PWWP2A: variants seen among roughly 807,000 people sequenced by gnomAD.
PWWP2A encodes PWWP domain containing 2A.
A neutral mutation model predicts 48.5 loss-of-function variants in PWWP2A; 18 were observed. The observed-to-expected ratio is 0.37, with a 90% CI of 0.26 to 0.55. The LOEUF (loss-of-function observed/expected upper bound fraction) is 0.55, where lower values mean the gene tolerates loss of function less well. Among genes scored for constraint, PWWP2A ranks in the 20% least tolerant of loss-of-function variants. The probability of loss-of-function intolerance (pLI) is 0.81; values close to 1 mark genes in which losing one functional copy is unlikely to be tolerated. For synonymous variants in PWWP2A, 396 were observed against 387.7 expected (o/e 1.02, Z -0.25); for missense variants, 867 against 976.4 (o/e 0.89, Z 1.49).
chr5:160,108,420 G>A, intron 1 of PWWP2A: 1 of 430,604 alleles, frequency 2.3e-6, no homozygotes, highest in Non-Finnish European at 4.4e-6. Flanking sequence ...TGGCATATAA[G>A]CAGAATAATC....
the PWWP2A span, among the ~76,000 whole-genome samples, chr5:160,053,899 G>C: frequency 9.9e-5 from 15 of 152,202 alleles, no homozygotes; most frequent in Non-Finnish European, 8.8e-5. Context: ...TTAGTGGGTA[G>C]AACAATTATT....
rs999619821 is a variant in PWWP2A at position 160,093,107 on chromosome 5, A to C, written c.1543T>G (p.Ser515Ala). ...TTTTCTGAAGGGGCCTCACCTGCTG[A>C]GCGGGTAGAGGTGCAGCGAGACTGG... ...KPQSRCTSTR[S>A]AGEAPSENQS... Residue 515 changes from serine (S) to alanine (A), a missense_variant, in exon 2 of 2, where the codon TCA becomes GCA. Physicochemically the swap from Ser to Ala is moderately conservative, Grantham distance 99. Around this residue, in one of 4 missense-constraint regions of PWWP2A, gnomAD observed 382 missense variants for 407.2 expected, o/e 0.94. Transcript: ENST00000307063. The surrounding 1 kb of genome is among the most constrained non-coding windows in gnomAD (Gnocchi z 5.8). The C allele has an allele frequency of 2.5e-6, 4 of 1,613,728 alleles. No homozygotes were observed. In the African/African-American group the frequency reaches 5.3e-5, roughly 22 times the overall value.
intron 1 of PWWP2A, among the ~76,000 whole-genome samples, chr5:160,103,523 C>A (rs1368736264): frequency 2.0e-5 from 3 of 152,074 alleles, no homozygotes; most frequent in African/African-American, 7.2e-5. Flanking sequence ...CCAGTCAATG[C>A]CAAATGAGGT....
At chr5:160,067,911 T>TG (rs1300674395) in intron 2 of PWWP2A, among the ~76,000 whole-genome samples, 2 of 152,248 alleles carry the variant, frequency 1.3e-5, no homozygotes, top group Admixed American at 6.5e-5. Flanking sequence ...CCAGGCACCG[T>TG]GGCTCACACC....
chr5:160,074,413 G>C (rs1753817765), downstream of PWWP2A, among the ~76,000 whole-genome samples: 1 of 151,902 alleles, frequency 6.6e-6, no homozygotes, highest in Non-Finnish European at 1.5e-5. Flanking sequence ...ACTCCAGCCT[G>C]GGCAACAAGA....
intron 1 of PWWP2A, among the ~76,000 whole-genome samples, chr5:160,116,031 T>A (rs1758103131): frequency 6.6e-6 from 1 of 152,074 alleles, no homozygotes; most frequent in Non-Finnish European, 1.5e-5. Flanking sequence ...ATTCCTTGAA[T>A]TGCTAAATTT....
chr5:160,058,273 A>G (rs1159030190), downstream of PWWP2A, among the ~76,000 whole-genome samples: 1 of 152,216 alleles, frequency 6.6e-6, no homozygotes, highest in Non-Finnish European at 1.5e-5. Flanking sequence ...TTGTCACCAC[A>G]TCTGCAGCAA....
downstream of PWWP2A, among the ~76,000 whole-genome samples, chr5:160,088,346 ACT>A (rs1754806254): frequency 6.6e-6 from 1 of 151,946 alleles, no homozygotes; most frequent in Non-Finnish European, 1.5e-5. Context: ...AATTCTCCTG[ACT>A]CAGCCTCTCG....
chr5:160,096,635 A>C (rs1755683907), intron 1 of PWWP2A, among the ~76,000 whole-genome samples: 1 of 152,178 alleles, frequency 6.6e-6, no homozygotes, highest in Admixed American at 6.5e-5. Flanking sequence ...CTGATTTATA[A>C]AATTTTTTTA....
chr5:160,095,977 C>T (rs1280268701), intron 1 of PWWP2A, among the ~76,000 whole-genome samples: 2 of 152,058 alleles, frequency 1.3e-5, no homozygotes, highest in Admixed American at 6.6e-5. Context: ...CGTGAGCCAC[C>T]GTGTCCAGCC....
chr5:160,094,768 C>T (rs1473750969), intron 1 of PWWP2A, among the ~76,000 whole-genome samples: 1 of 151,922 alleles, frequency 6.6e-6, no homozygotes. Context: ...TAGGAATGGG[C>T]CGGGTGCAGT....
chr5:160,054,876 T>C, the PWWP2A span, among the ~76,000 whole-genome samples: 3 of 152,118 alleles, frequency 2.0e-5, no homozygotes, highest in African/African-American at 7.2e-5. Flanking sequence ...AAAAAAAACA[T>C]TTAAAAGTAA....
At chr5:160,095,681 A>C (rs1561675843) in intron 1 of PWWP2A, among the ~76,000 whole-genome samples, 1 of 138,128 alleles carries the variant, frequency 7.2e-6, no homozygotes, top group Non-Finnish European at 1.5e-5. Context: ...ATTCTCCGAA[A>C]TGTTCTTTTT....
At chr5:160,115,853 A>C (rs1290645269) in intron 1 of PWWP2A, among the ~76,000 whole-genome samples, 1 of 150,892 alleles carries the variant, frequency 6.6e-6, no homozygotes, top group East Asian at 1.9e-4. Flanking sequence ...AAACAAAAAC[A>C]AAAAAAAACA....
intron 1 of PWWP2A, chr5:160,108,552 C>G: frequency 7.8e-7 from 1 of 1,284,896 alleles, no homozygotes. Flanking sequence ...CACTGCTTCA[C>G]CAGAATGGCT....
At chr5:160,102,938 CG>C (rs1756469969) in intron 1 of PWWP2A, among the ~76,000 whole-genome samples, 4 of 152,032 alleles carry the variant, frequency 2.6e-5, no homozygotes, top group Non-Finnish European at 4.4e-5. Flanking sequence ...AAATTTTTAT[CG>C]GAAAAATTGA....
intron 4 of PWWP2A, among the ~76,000 whole-genome samples, chr5:160,066,296 A>ATTTTTTTTTTTTTTTTTTTTT (rs59262456): frequency 8.4e-5 from 8 of 94,756 alleles, no homozygotes; most frequent in African/African-American, 2.4e-4. Context: ...AGTGGTTCTC[A>ATTTTTTTTTTTTTTTTTTTTT]TTTTTTTTTT....
intron 2 of PWWP2A, among the ~76,000 whole-genome samples, chr5:160,070,555 G>A (rs1753717924): frequency 6.6e-6 from 1 of 152,160 alleles, no homozygotes; most frequent in South Asian, 2.1e-4. Flanking sequence ...CCAGTTTGTT[G>A]TGGTTGTTTT....
chr5:160,087,401 G>C (rs555749304), downstream of PWWP2A, among the ~76,000 whole-genome samples: 18 of 150,826 alleles, frequency 1.2e-4, no homozygotes, highest in African/African-American at 4.1e-4. Context: ...AAAAAAAGGA[G>C]GGGCTGGGGC....
Sources: gnomAD v4.1 joint callset for allele counts (sites outside exome capture counted in the v4.1 genomes callset) on GRCh38, gnomAD v4.1.1 for gene constraint, gnomAD v4.1.1 regional missense constraint, Gnocchi (gnomAD v3.1) non-coding constraint, MANE v1.5 for transcripts, NCBI Gene and HGNC (gene_info 2026-07-23, HGNC 2026-07-21) for gene names.